Variants in SH3RF2 observed in about 807,000 individuals in gnomAD.
SH3RF2 encodes the protein E3 ubiquitin-protein ligase SH3RF2.
A neutral mutation model predicts 59.0 loss-of-function variants in SH3RF2; 43 were observed. The observed-to-expected ratio is 0.73, with a 90% CI of 0.57 to 0.94. The LOEUF (loss-of-function observed/expected upper bound fraction) is 0.94, where lower values mean the gene tolerates loss of function less well. SH3RF2 is among the 40% of genes least tolerant of loss of function. The pLI, the probability that SH3RF2 is intolerant of heterozygous loss-of-function variation, is 0.00. For missense variants in SH3RF2, 930 were observed against 940.1 expected (o/e 0.99, Z 0.14); for synonymous variants, 391 against 391.5 (o/e 1.00, Z 0.01).
Position 145,938,166 on chromosome 5 carries a change from C to A in SH3RF2, c.238C>A (p.Gln80Lys), listed in dbSNP as rs1364101353. Residue 80 changes from glutamine to lysine, a missense_variant, in exon 2 of 10, where the codon CAG becomes AAG. Coordinates refer to ENST00000359120, the MANE Select transcript of SH3RF2 (RefSeq NM_152550.4). ...VRLLDGVRSG[Q>K]SSGRGGSFRR... ...CCTTCTGGATGGAGTGCGCTCAGGG[C>A]AGAGCTCCGGGAGAGGGGGCTCCTT... 2 of 1,614,154 alleles carry A rather than the reference C, an allele frequency of 1.2e-6. No homozygotes were observed. The highest frequency in any genetic ancestry group is 1.7e-6 in the Non-Finnish European group (2 of 1,180,030).
intron 4 of SH3RF2, among the ~76,000 whole-genome samples, chr5:146,012,334 T>G (rs1034888218): frequency 3.9e-5 from 6 of 152,198 alleles, no homozygotes; most frequent in Non-Finnish European, 8.8e-5. Flanking sequence ...CTTTGTTTGT[T>G]GTGTCTCTGC....
intron 5 of SH3RF2, among the ~76,000 whole-genome samples, chr5:146,046,403 G>A (rs555893354): frequency 5.5e-5 from 8 of 145,396 alleles, no homozygotes; most frequent in African/African-American, 1.7e-4. Flanking sequence ...ACAAACAATA[G>A]TTGTACCCAC....
chr5:146,074,185 G>A (rs1466739411), intron 9 of SH3RF2, among the ~76,000 whole-genome samples: 1 of 151,864 alleles, frequency 6.6e-6, no homozygotes, highest in Admixed American at 6.6e-5. Context: ...GACTACAGGC[G>A]CCCAACACCA....
intron 4 of SH3RF2, among the ~76,000 whole-genome samples, chr5:146,006,215 G>A (rs564112507): frequency 6.6e-6 from 1 of 152,280 alleles, no homozygotes; most frequent in East Asian, 1.9e-4. Flanking sequence ...TTGAGCCCGA[G>A]AGATTGAGAC....
intron 5 of SH3RF2, among the ~76,000 whole-genome samples, chr5:146,028,661 T>C (rs1761630120): frequency 6.6e-6 from 1 of 152,224 alleles, no homozygotes; most frequent in Non-Finnish European, 1.5e-5. Context: ...AGGGTCAAAG[T>C]TGCCTCCCGC....
chr5:145,997,619 T>C (rs1372871597), intron 2 of SH3RF2: 1 of 1,593,420 alleles, frequency 6.3e-7, no homozygotes. Flanking sequence ...AGAAAATTAC[T>C]TATCCTCTGG....
At position 146,002,168 on chromosome 5, in the gene SH3RF2, C is replaced by A. The variant is rs192544030; in HGVS notation, c.648+1841C>A. The stretch of plus-strand genomic sequence containing the variant: ...TAGACCGACATTAAAGAAATAATAA[C>A]CTCCTGGCACGGTGGCTCACGCCTG... On this transcript the variant is annotated intron_variant, in intron 3 of 9. Transcript: ENST00000359120. 2.6e-5 allele frequency among the ~76,000 whole-genome samples: 4 copies of A among 152,118 alleles called. No homozygotes were observed. In the South Asian group the frequency reaches 6.2e-4, roughly 24 times the overall value.
At chr5:145,968,972 T>C (rs1178836145) in intron 2 of SH3RF2, among the ~76,000 whole-genome samples, 2 of 152,210 alleles carry the variant, frequency 1.3e-5, no homozygotes, top group Non-Finnish European at 2.9e-5. Flanking sequence ...ATATAATTCT[T>C]TTTTACTTTT....
chr5:145,988,486 C>A (rs1219468190), intron 2 of SH3RF2, among the ~76,000 whole-genome samples: 1 of 151,906 alleles, frequency 6.6e-6, no homozygotes, highest in Non-Finnish European at 1.5e-5. Context: ...AGTATTAGCC[C>A]CAATTTGTGG....
intron 8 of SH3RF2, among the ~76,000 whole-genome samples, chr5:146,059,406 C>G (rs1186282260): frequency 6.6e-6 from 1 of 152,008 alleles, no homozygotes; most frequent in Non-Finnish European, 1.5e-5. Context: ...CTCTCTTTCT[C>G]CTTTTCCTCT....
chr5:145,981,841 A>T (rs1172577204), intron 2 of SH3RF2, among the ~76,000 whole-genome samples: 1 of 152,232 alleles, frequency 6.6e-6, no homozygotes, highest in East Asian at 1.9e-4. Context: ...AGAATAGCAC[A>T]TTTCCACCAT....
At chr5:146,000,711 A>G (rs1350802428) in intron 3 of SH3RF2, among the ~76,000 whole-genome samples, 1 of 152,214 alleles carries the variant, frequency 6.6e-6, no homozygotes, top group African/African-American at 2.4e-5. Flanking sequence ...ATATTACACC[A>G]CAATATAGAT....
At chr5:145,939,663 C>A (rs749315840) in intron 2 of SH3RF2, among the ~76,000 whole-genome samples, 1 of 152,136 alleles carries the variant, frequency 6.6e-6, no homozygotes, top group East Asian at 1.9e-4. Flanking sequence ...TCCACTACCC[C>A]TGGTCTAGTC....
intron 9 of SH3RF2, among the ~76,000 whole-genome samples, chr5:146,069,222 C>A (rs995413435): frequency 6.6e-6 from 1 of 152,190 alleles, no homozygotes; most frequent in Non-Finnish European, 1.5e-5. Flanking sequence ...TTGCTGGGAA[C>A]TGATTTTGAT....
At chr5:146,059,090 C>T (rs1356450332) in intron 8 of SH3RF2, among the ~76,000 whole-genome samples, 1 of 152,154 alleles carries the variant, frequency 6.6e-6, no homozygotes, top group African/African-American at 2.4e-5. Context: ...GTTATTATCT[C>T]CAGCTTACAA....
chr5:145,997,132 C>A (rs1760196378), intron 2 of SH3RF2: 5 of 655,334 alleles, frequency 7.6e-6, no homozygotes, highest in Non-Finnish European at 1.4e-5. Context: ...ATTTCATCAC[C>A]CAGCAATGAA....
chr5:145,995,300 A>G lies in SH3RF2; in HGVS notation c.379-4758A>G, dbSNP rs566205315. 5.9e-5 allele frequency among the ~76,000 whole-genome samples: 9 copies of G among 152,334 alleles called. No individual in the cohort carries two copies. In the East Asian group the frequency reaches 1.5e-3, roughly 26 times the overall value. On this transcript the variant is annotated intron_variant, in intron 2 of 9. Coordinates refer to ENST00000359120, the MANE Select transcript of SH3RF2 (RefSeq NM_152550.4). ...GACTTAATCACCAGAAAGGCTAAAA[A>G]TGTGACCAATATTCCAGGTAGTCAT...
chr5:145,969,440 A>C (rs896298253), intron 2 of SH3RF2, among the ~76,000 whole-genome samples: 8 of 152,168 alleles, frequency 5.3e-5, no homozygotes, highest in African/African-American at 1.9e-4. Context: ...AGCATATTGG[A>C]GCAGGCAGGT....
intron 2 of SH3RF2, among the ~76,000 whole-genome samples, chr5:145,956,520 C>T (rs1284457758): frequency 6.6e-6 from 1 of 152,190 alleles, no homozygotes; most frequent in Admixed American, 6.5e-5. Context: ...AAGTGATCCA[C>T]CTGCCTCAGC....
Sources: allele counts gnomAD v4.1 joint callset (sites outside exome capture counted in the v4.1 genomes callset), GRCh38; gene constraint gnomAD v4.1.1; transcripts MANE v1.5; gene names NCBI Gene and HGNC (gene_info 2026-07-23, HGNC 2026-07-21).